Variants in PTPN3 observed in about 807,000 individuals in gnomAD.
PTPN3 encodes protein tyrosine phosphatase non-receptor type 3.
A neutral mutation model predicts 132.7 loss-of-function variants in PTPN3; 96 were observed. The observed-to-expected ratio is 0.72, with a 90% CI of 0.61 to 0.86. The LOEUF (loss-of-function observed/expected upper bound fraction) is 0.86, where lower values mean the gene tolerates loss of function less well. Among genes scored for constraint, PTPN3 ranks in the 40% least tolerant of loss-of-function variants. PTPN3 has a pLI of 0.00. For synonymous variants in PTPN3, 398 were observed against 429.0 expected (o/e 0.93, Z 0.89); for missense variants, 1,125 against 1,159.6 (o/e 0.97, Z 0.43).
chr9:109,472,275 G>T (rs1588482855), intron 1 of PTPN3, among the ~76,000 whole-genome samples: 1 of 152,108 alleles, frequency 6.6e-6, no homozygotes, highest in East Asian at 1.9e-4. Context: ...TTAACAATTT[G>T]TCCAAATTAT....
rs1845381876 is a variant in PTPN3, at chr9:109,453,420, T to C, written c.368+1076A>G. Among the ~76,000 whole-genome samples, 4 of 152,320 alleles carry C rather than the reference T, an allele frequency of 2.6e-5. No homozygotes were observed. The South Asian group carries it at 8.3e-4, about 32-fold the overall frequency. ...GGATCAATAATAAAAGGGCTTAACG[T>C]TGCCACAGGGGAGGGAAAGTTTGTT... On this transcript the variant is annotated intron_variant, in intron 5 of 25. Coordinates refer to ENST00000374541, the MANE Select transcript of PTPN3 (RefSeq NM_002829.4).
the PTPN3 span, among the ~76,000 whole-genome samples, chr9:109,529,036 A>G: frequency 1.3e-5 from 2 of 152,188 alleles, no homozygotes; most frequent in Non-Finnish European, 2.9e-5. Flanking sequence ...GCCTCCCATC[A>G]TCGTGGGGGA....
chr9:109,532,518 CTCCACTTGACCAGATAGGAAACAATT>C, the PTPN3 span, among the ~76,000 whole-genome samples: 1 of 151,846 alleles, frequency 6.6e-6, no homozygotes, highest in South Asian at 2.1e-4. Flanking sequence ...TCTTACACAT[CTCCACTTGACCAGATAGGAAACAATT>C]TAAAAATCTT....
chr9:109,404,626 G>C lies in PTPN3; in HGVS notation c.1793-18C>G. 6.9e-7 allele frequency: 1 copy of C among 1,444,646 alleles called. No homozygotes were observed. Among genetic ancestry groups the C allele is most frequent in the Non-Finnish European group, 9.3e-7 (1 of 1,079,502 alleles). 89.5% of individuals were successfully genotyped at this position (1,444,646 alleles called of 1,614,324 possible). On this transcript the variant is annotated intron_variant, in intron 18 of 25. Coordinates refer to ENST00000374541, the MANE Select transcript of PTPN3 (RefSeq NM_002829.4). ...GCGGACAGCTGTAACGTACAAGACA[G>C]TGCATCTGACTTGTGTAGCAATACT...
At chr9:109,504,176 G>A in the PTPN3 span, among the ~76,000 whole-genome samples, 1 of 152,190 alleles carries the variant, frequency 6.6e-6, no homozygotes, top group African/African-American at 2.4e-5. Context: ...GAGAGAATAG[G>A]ATGGGTGATA....
intron 7 of PTPN3, among the ~76,000 whole-genome samples, chr9:109,441,971 A>G (rs1050591788): frequency 2.0e-5 from 3 of 152,310 alleles, no homozygotes; most frequent in Admixed American, 2.0e-4. Flanking sequence ...CTTATATCAG[A>G]TGCCCCTCTT....
intron 7 of PTPN3, among the ~76,000 whole-genome samples, chr9:109,444,979 T>C (rs1442585263): frequency 6.6e-6 from 1 of 152,270 alleles, no homozygotes; most frequent in Non-Finnish European, 1.5e-5. Context: ...CTGTCTGCTG[T>C]CTGATGGGCT....
At chr9:109,452,159 T>C (rs1182228473) in intron 5 of PTPN3, among the ~76,000 whole-genome samples, 1 of 150,444 alleles carries the variant, frequency 6.6e-6, no homozygotes, top group Admixed American at 6.7e-5. Context: ...TCCTAGCTAC[T>C]CAGGAGGCTG....
At chr9:109,393,384 C>CTTTT (rs929613549) in intron 19 of PTPN3, among the ~76,000 whole-genome samples, 1 of 119,908 alleles carries the variant, frequency 8.3e-6, no homozygotes, top group Non-Finnish European at 1.8e-5. Context: ...TTTTTTTTGT[C>CTTTT]TTTTTTTTTT....
At chr9:109,408,588 G>A (rs1050017109) in intron 16 of PTPN3, among the ~76,000 whole-genome samples, 2 of 151,712 alleles carry the variant, frequency 1.3e-5, no homozygotes, top group Non-Finnish European at 2.9e-5. Flanking sequence ...TCTGGATCCA[G>A]CGGGCTGACC....
At chr9:109,503,880 G>A in the PTPN3 span, among the ~76,000 whole-genome samples, 1 of 152,076 alleles carries the variant, frequency 6.6e-6, no homozygotes, top group Non-Finnish European at 1.5e-5. Context: ...TATGTATCAG[G>A]CACTACTCTA....
At chr9:109,459,743 C>T (rs1015481323) in intron 2 of PTPN3, among the ~76,000 whole-genome samples, 1 of 152,108 alleles carries the variant, frequency 6.6e-6, no homozygotes, top group Admixed American at 6.5e-5. Context: ...GATGCTCACT[C>T]GGGGTAGGTG....
chr9:109,423,020 G>A (rs1320687593), intron 12 of PTPN3, among the ~76,000 whole-genome samples, 168 bp from the exon 13 acceptor site: 3 of 152,192 alleles, frequency 2.0e-5, no homozygotes, highest in Non-Finnish European at 4.4e-5. Flanking sequence ...TGTCTGTCCT[G>A]GAATTTCCTT....
At chr9:109,501,396 A>G (rs1847862856), upstream of PTPN3, among the ~76,000 whole-genome samples, 1 of 152,180 alleles carries the variant, frequency 6.6e-6, no homozygotes, top group Non-Finnish European at 1.5e-5. Context: ...CCATGTATTG[A>G]TGATAAGAGA....
At chr9:109,484,280 C>T (rs796097873) in intron 1 of PTPN3, among the ~76,000 whole-genome samples, 9 of 152,348 alleles carry the variant, frequency 5.9e-5, no homozygotes, top group African/African-American at 1.4e-4. Flanking sequence ...TGTGTCACCA[C>T]GGGATCATCA....
At chr9:109,472,675 A>G (rs1333793037) in intron 1 of PTPN3, among the ~76,000 whole-genome samples, 1 of 152,256 alleles carries the variant, frequency 6.6e-6, no homozygotes, top group Non-Finnish European at 1.5e-5. Flanking sequence ...TCATAAATTG[A>G]TCAACACTAC....
chr9:109,421,618 T>C (rs1237226930), intron 13 of PTPN3, among the ~76,000 whole-genome samples: 2 of 152,266 alleles, frequency 1.3e-5, no homozygotes, highest in Non-Finnish European at 2.9e-5. Flanking sequence ...CCGATGAGAT[T>C]TTCAGATAAA....
rs186978606 is a variant in PTPN3, at chr9:109,485,423, G to T, written c.-18+12796C>A. ...CGCGGGAGGCTGAGGCAGGAGAACG[G>T]CGTGAACCTGGGAGGCGGAGCTTGC... is the stretch of plus-strand genomic sequence containing the variant. On this transcript the variant is annotated intron_variant, in intron 1 of 25. Coordinates refer to ENST00000374541, the MANE Select transcript of PTPN3 (RefSeq NM_002829.4). Among the ~76,000 whole-genome samples the T allele has an allele frequency of 6.6e-3, 1,004 of 152,266 alleles. 10 individuals carry two copies. Among genetic ancestry groups the T allele is most frequent in the African/African-American group, 0.022 (918 of 41,540 alleles).
At chr9:109,404,664 T>A in intron 18 of PTPN3, 56 bp from the exon 19 acceptor site, 1 of 1,363,892 alleles carries the variant, frequency 7.3e-7, no homozygotes, top group Non-Finnish European at 9.6e-7. Flanking sequence ...GGTTTATCCG[T>A]CTCCCTCAAA....
Sources: allele counts gnomAD v4.1 joint callset (sites outside exome capture counted in the v4.1 genomes callset), GRCh38; gene constraint gnomAD v4.1.1; transcripts MANE v1.5; gene names NCBI Gene and HGNC (gene_info 2026-07-23, HGNC 2026-07-21).